NLGN4X: variants seen among roughly 807,000 people sequenced by gnomAD.
The protein encoded by NLGN4X is neuroligin-4, X-linked.
A neutral mutation model predicts 40.3 loss-of-function variants in NLGN4X; 3 were observed. The ratio of observed to expected loss-of-function variants is 0.07; its 90% CI spans 0.03 to 0.19. The LOEUF is 0.19. Ranked by LOEUF, NLGN4X falls within the 10% of genes least tolerant of loss-of-function variation. The probability of loss-of-function intolerance (pLI) is 1.00; values close to 1 mark genes in which losing one functional copy is unlikely to be tolerated. For synonymous variants in NLGN4X, 270 were observed against 306.8 expected, an observed-to-expected ratio of 0.88 and a Z score of 1.25; for missense variants, 382 against 708.3, an observed-to-expected ratio of 0.54 and a Z score of 5.23.
intron 1 of NLGN4X, among the ~76,000 whole-genome samples, chrX:6,184,320 T>A (rs898527528): frequency 2.7e-5 from 3 of 111,925 alleles, no homozygotes; most frequent in African/African-American, 9.7e-5. Context: ...ATTTGTTAAC[T>A]TCTTCTCAGA....
intron 1 of NLGN4X, among the ~76,000 whole-genome samples, chrX:6,214,331 T>C (rs1396342897): frequency 1.8e-5 from 2 of 110,591 alleles, no homozygotes; most frequent in Non-Finnish European, 3.8e-5. Flanking sequence ...TCTTGGAGAG[T>C]TGACAGGGCA....
intron 3 of NLGN4X, among the ~76,000 whole-genome samples, chrX:5,921,269 C>A (rs1227718109): frequency 9.4e-6 from 1 of 106,676 alleles, no homozygotes; most frequent in Non-Finnish European, 1.9e-5. Context: ...CAGACAAGGT[C>A]AGAAAGAGTT....
At chrX:5,956,224 T>C (rs1340772527) in intron 3 of NLGN4X, among the ~76,000 whole-genome samples, 1 of 108,490 alleles carries the variant, frequency 9.2e-6, no homozygotes, top group Non-Finnish European at 1.9e-5. Flanking sequence ...TACACACATA[T>C]ATATAAATAT....
intron 5 of NLGN4X, among the ~76,000 whole-genome samples, chrX:5,898,563 G>A (rs1012540284): frequency 1.8e-5 from 2 of 111,133 alleles, no homozygotes; most frequent in Non-Finnish European, 3.8e-5. Context: ...ATGCGCCATC[G>A]AGAGACTGGC....
intron 3 of NLGN4X, among the ~76,000 whole-genome samples, chrX:5,929,414 C>A (rs779960132): frequency 9.0e-6 from 1 of 111,554 alleles, no homozygotes; most frequent in Non-Finnish European, 1.9e-5. Context: ...TTGCAGTGAG[C>A]GCCACTGCAG....
chrX:5,894,705 G>T (rs2031392805), intron 5 of NLGN4X, among the ~76,000 whole-genome samples: 1 of 111,906 alleles, frequency 8.9e-6, no homozygotes, highest in Non-Finnish European at 1.9e-5. Context: ...GACTCTTTTA[G>T]GATAACACTT....
At chrX:6,181,467 C>G (rs1005184296) in intron 1 of NLGN4X, among the ~76,000 whole-genome samples, 2 of 111,497 alleles carry the variant, frequency 1.8e-5, no homozygotes, top group Non-Finnish European at 3.8e-5. Context: ...AAGAGAACAT[C>G]TGAAACTGAG....
At chrX:6,097,340 C>G (rs2038805003) in intron 2 of NLGN4X, among the ~76,000 whole-genome samples, 1 of 109,700 alleles carries the variant, frequency 9.1e-6, no homozygotes, top group African/African-American at 3.3e-5. Context: ...TTACTAAAGA[C>G]AGTCATTGAC....
chrX:6,043,902 C>T (rs1218574835), intron 2 of NLGN4X, among the ~76,000 whole-genome samples: 3 of 110,587 alleles, frequency 2.7e-5, no homozygotes, highest in Admixed American at 1.9e-4. Flanking sequence ...TTACTGCCCA[C>T]GAAGGCTTTT....
chrX:6,210,844 C>A (rs761584233), intron 1 of NLGN4X, among the ~76,000 whole-genome samples: 1 of 112,055 alleles, frequency 8.9e-6, no homozygotes, highest in Non-Finnish European at 1.9e-5. Context: ...TACAAAACTA[C>A]GAGAAGATCA....
chrX:5,954,011 A>G (rs1474495386), intron 3 of NLGN4X, among the ~76,000 whole-genome samples: 1 of 111,443 alleles, frequency 9.0e-6, no homozygotes, highest in Non-Finnish European at 1.9e-5. Context: ...TCAACCTAAT[A>G]AAGTTATAAT....
chrX:6,151,476 C>A lies in NLGN4X; in HGVS notation c.-10G>T. Reference sequence around the variant, plus strand: ...CCTGGGGCCGTGACATGGTTCAAATCTGCATCCACATCCACAGCTGTCCCA... The same window carrying A: ...CCTGGGGCCGTGACATGGTTCAAATATGCATCCACATCCACAGCTGTCCCA... On this transcript the variant is annotated 5_prime_UTR_variant, in exon 2 of 6. Transcript: ENST00000381095. 1 of 1,189,820 alleles carries A rather than the reference C, an allele frequency of 8.4e-7. No individual in the cohort carries two copies. The highest frequency in any genetic ancestry group is 1.1e-6 in the Non-Finnish European group (1 of 875,778).
intron 3 of NLGN4X, among the ~76,000 whole-genome samples, chrX:5,947,203 G>T (rs980479690): frequency 2.7e-5 from 3 of 111,776 alleles, no homozygotes; most frequent in Admixed American, 9.6e-5. Context: ...CCCAGTAATG[G>T]ATGGGATTGC....
At chrX:6,084,505 T>G (rs769169719) in intron 2 of NLGN4X, among the ~76,000 whole-genome samples, 1 of 111,227 alleles carries the variant, frequency 9.0e-6, no homozygotes, top group Non-Finnish European at 1.9e-5. Context: ...ATGAATCTGT[T>G]AGTATAAAAA....
chrX:5,981,941 C>T (rs773051913), intron 3 of NLGN4X, among the ~76,000 whole-genome samples: 1 of 111,661 alleles, frequency 9.0e-6, no homozygotes, highest in South Asian at 3.8e-4. Context: ...GATGACCTTA[C>T]ATAACCTCAT....
intron 2 of NLGN4X, among the ~76,000 whole-genome samples, chrX:6,073,323 T>G (rs2038114399): frequency 8.9e-6 from 1 of 112,378 alleles, no homozygotes; most frequent in Admixed American, 9.5e-5. Context: ...AATTTGGAAC[T>G]CAATAAGTGT....
chrX:6,136,888 G>A (rs1273612220), intron 2 of NLGN4X, among the ~76,000 whole-genome samples: 5 of 112,284 alleles, frequency 4.5e-5, no homozygotes, highest in African/African-American at 1.6e-4. Context: ...GGGGAGCTTT[G>A]CCCTGGACAG....
intron 2 of NLGN4X, among the ~76,000 whole-genome samples, chrX:6,146,276 T>G (rs1398401036): frequency 8.9e-6 from 1 of 112,382 alleles, no homozygotes; most frequent in Non-Finnish European, 1.9e-5. Context: ...TGTGTTCAAA[T>G]GTTCCATTCA....
intron 4 of NLGN4X, among the ~76,000 whole-genome samples, chrX:5,908,013 G>A (rs1178578094): frequency 1.1e-5 from 1 of 87,031 alleles, no homozygotes; most frequent in Admixed American, 1.3e-4. Context: ...GAGAGAGGGA[G>A]AAAGACAGGG....
Sources: gnomAD v4.1 joint callset for allele counts (sites outside exome capture counted in the v4.1 genomes callset) on GRCh38, gnomAD v4.1.1 for gene constraint, MANE v1.5 for transcripts, NCBI Gene and HGNC (gene_info 2026-07-23, HGNC 2026-07-21) for gene names.